The following THRAP3 variants were observed in gnomAD, a reference collection of about 807,000 sequenced individuals.
THRAP3 encodes the protein thyroid hormone receptor-associated protein 3.
THRAP3 carries 16 observed loss-of-function variants against 101.0 expected under a neutral mutation model. That is an observed-to-expected ratio of 0.16 (90% CI 0.11 to 0.24). The LOEUF (loss-of-function observed/expected upper bound fraction) is 0.24. THRAP3 is among the 10% of genes least tolerant of loss of function. The probability of loss-of-function intolerance (pLI) is 1.00; values close to 1 mark genes in which losing one functional copy is unlikely to be tolerated. For missense variants in THRAP3, 989 were observed against 1,202.7 expected, an observed-to-expected ratio of 0.82 and a Z score of 2.63; for synonymous variants, 407 against 422.6, an observed-to-expected ratio of 0.96 and a Z score of 0.45.
intron 2 of THRAP3, among the ~76,000 whole-genome samples, chr1:36,262,544 C>T (rs1645459548): frequency 1.3e-5 from 2 of 152,302 alleles, no homozygotes; most frequent in South Asian, 2.1e-4. Flanking sequence ...ATTTCTCCTA[C>T]TGTAGTTCTA....
At chr1:36,253,779 T>TTTTTTTTTTA (rs1553194133) in intron 1 of THRAP3, among the ~76,000 whole-genome samples, 1 of 139,568 alleles carries the variant, frequency 7.2e-6, no homozygotes, top group African/African-American at 2.7e-5. Context: ...TTTTTTTTTT[T>TTTTTTTTTTA]AGTTTTTGTA....
intron 8 of THRAP3, chr1:36,294,389 G>A (rs1570343902): frequency 4.5e-6 from 1 of 223,684 alleles, no homozygotes; most frequent in Non-Finnish European, 7.5e-6. Flanking sequence ...TCCTAACATT[G>A]TACCATATCT....
At chr1:36,256,791 T>C (rs1035009276) in intron 1 of THRAP3, among the ~76,000 whole-genome samples, 1 of 152,094 alleles carries the variant, frequency 6.6e-6, no homozygotes, top group Non-Finnish European at 1.5e-5. Flanking sequence ...ACCGTTTGCA[T>C]TGCAGACATT....
chr1:36,271,069 G>C (rs537531692), intron 2 of THRAP3, among the ~76,000 whole-genome samples: 1 of 152,072 alleles, frequency 6.6e-6, no homozygotes, highest in East Asian at 1.9e-4. Context: ...TCCTTCTCCT[G>C]TTCCCTTCCT....
chr1:36,286,259 A>C lies in THRAP3; in HGVS notation c.138-109A>C. 1 of 1,179,516 alleles carries C rather than the reference A, an allele frequency of 8.5e-7. No individual in the cohort carries two copies. Among genetic ancestry groups the C allele is most frequent in the South Asian group, 1.6e-5 (1 of 63,616 alleles). The allele number at this position is 1,179,516 out of a possible 1,614,324, so 73.1% of individuals were successfully genotyped here. A position where few individuals can be genotyped will look rare whatever the true frequency, so the allele number is the denominator to read the frequency against. ...ATTTGTGCCCTTGCTTTGAAAACAA[A>C]ACTGAAAGTGAATGACACATAAGGG... On this transcript the variant is annotated intron_variant, in intron 3 of 11. Transcript: ENST00000354618. This position sits in a 1 kb window ranked among gnomAD's most constrained non-coding sequence, Gnocchi z 5.5.
chr1:36,242,440 G>A (rs1040249437), intron 1 of THRAP3, among the ~76,000 whole-genome samples: 2 of 143,216 alleles, frequency 1.4e-5, no homozygotes, highest in African/African-American at 2.6e-5. Context: ...GGTGCGAGCC[G>A]TCTGTTTTGA....
At position 36,303,849 on chromosome 1, in the gene THRAP3, C is replaced by G. The variant is rs1570359646; in HGVS notation, c.2700C>G (p.Gly900=). 1 of 1,614,104 alleles carries G rather than the reference C, an allele frequency of 6.2e-7. No individual in the cohort carries two copies. The highest frequency in any genetic ancestry group is 2.2e-5 in the East Asian group (1 of 44,876). ...ACAAGTGGGTGAGCCGGGGCCGGGG[C>G]CGAGGAGCCTTTCCTCGGGGTCGGG... is the stretch of plus-strand genomic sequence containing the variant. The part of the protein sequence containing the change: ...GSDKWVSRGR[G]RGAFPRGRGR... Residue 900 remains glycine (G), a synonymous_variant, in exon 12 of 12, where the codon GGC becomes GGG. Coordinates refer to ENST00000354618, the MANE Select transcript of THRAP3 (RefSeq NM_005119.4).
chr1:36,282,219 C>T lies in THRAP3; in HGVS notation c.-31-314C>T, dbSNP rs572073072. Among the ~76,000 whole-genome samples, 5 of 149,450 alleles carry T rather than the reference C, an allele frequency of 3.3e-5. No homozygotes were observed. The South Asian group carries it at 8.7e-4, about 26-fold the overall frequency. On this transcript the variant is annotated intron_variant, in intron 2 of 11. Coordinates refer to ENST00000354618, the MANE Select transcript of THRAP3 (RefSeq NM_005119.4). Reference sequence around the variant, plus strand: ...GGGATTACAGGCGTGAGCCACCGTGCTCAGCCACTTTCTCTCTTTTTTTTT... The same window carrying T: ...GGGATTACAGGCGTGAGCCACCGTGTTCAGCCACTTTCTCTCTTTTTTTTT...
intron 4 of THRAP3, chr1:36,287,756 C>T: frequency 1.0e-6 from 1 of 985,424 alleles, no homozygotes; most frequent in Non-Finnish European, 1.2e-6. Flanking sequence ...AGGCATAGTC[C>T]AGGAAGGCCT....
chr1:36,302,119 C>T (rs1418968175), intron 11 of THRAP3, among the ~76,000 whole-genome samples: 2 of 152,178 alleles, frequency 1.3e-5, no homozygotes, highest in Non-Finnish European at 2.9e-5. Flanking sequence ...GATGTCTCTC[C>T]AAAATGAAAT....
In THRAP3 at chr1:36,291,467, C is replaced by T. The variant is rs1182797760; in HGVS notation, c.1839C>T (p.His613=). 4 of 1,614,226 alleles carry T rather than the reference C, an allele frequency of 2.5e-6. No homozygotes were observed. The highest frequency in any genetic ancestry group is 2.2e-5 in the East Asian group (1 of 44,892). Residue 613 remains histidine (H), a synonymous_variant, in exon 6 of 12, where the codon CAC becomes CAT. Coordinates refer to ENST00000354618, the MANE Select transcript of THRAP3 (RefSeq NM_005119.4). ...AGGAGTTTCGTTCCATTTTCCAGCA[C>T]ATACAATCAGCTCAGTCTCAGCGTA... is the stretch of plus-strand genomic sequence containing the variant. The part of the protein sequence containing the change: ...KEQEFRSIFQ[H]IQSAQSQRSP...
At chr1:36,269,884 T>TC (rs1645566143) in intron 2 of THRAP3, among the ~76,000 whole-genome samples, 3 of 152,272 alleles carry the variant, frequency 2.0e-5, no homozygotes, top group Non-Finnish European at 4.4e-5. Context: ...GCTGCATGTC[T>TC]CTTTTTTTAA....
chr1:36,213,051 GC>G, the THRAP3 span, among the ~76,000 whole-genome samples: 1 of 152,190 alleles, frequency 6.6e-6, no homozygotes, highest in Non-Finnish European at 1.5e-5. Flanking sequence ...AGAAGCTAAG[GC>G]TGGTACGACA....
chr1:36,296,405 C>T, intron 8 of THRAP3, among the ~76,000 whole-genome samples, 178 bp from the exon 9 acceptor site: 1 of 152,096 alleles, frequency 6.6e-6, no homozygotes, highest in East Asian at 1.9e-4. Context: ...TGTGAGGGAT[C>T]CTTATGGAGT....
At chr1:36,282,440 C>T (rs1645744663) in intron 2 of THRAP3, 93 bp from the exon 3 acceptor site, 3 of 967,706 alleles carry the variant, frequency 3.1e-6, no homozygotes, top group Non-Finnish European at 3.0e-6. Flanking sequence ...TCAAGTTGCC[C>T]AGATTAAAAG....
At chr1:36,240,816 A>G (rs1372040771) in intron 1 of THRAP3, among the ~76,000 whole-genome samples, 1 of 152,144 alleles carries the variant, frequency 6.6e-6, no homozygotes, top group African/African-American at 2.4e-5. Context: ...ATTTGTGATA[A>G]TATTTATTTT....
At chr1:36,287,885 T>C (rs759344658) in intron 4 of THRAP3, 43 of 985,312 alleles carry the variant, frequency 4.4e-5, no homozygotes, top group Non-Finnish European at 5.1e-5. Flanking sequence ...AGTTGGAACA[T>C]GAATCTTTGT....
chr1:36,266,895 T>TA (rs1645521684), intron 2 of THRAP3, among the ~76,000 whole-genome samples: 1 of 151,382 alleles, frequency 6.6e-6, no homozygotes, highest in Non-Finnish European at 1.5e-5. Flanking sequence ...TTTATTTATT[T>TA]TTGAGATAGA....
intron 8 of THRAP3, 45 bp downstream of exon 8, chr1:36,293,980 T>TG: frequency 1.9e-6 from 3 of 1,596,144 alleles, no homozygotes; most frequent in Non-Finnish European, 2.6e-6. Context: ...ATGAGTGCGT[T>TG]GGGCATGAAC....
Sources: gnomAD v4.1 joint callset for allele counts (sites outside exome capture counted in the v4.1 genomes callset) on GRCh38, gnomAD v4.1.1 for gene constraint, Gnocchi (gnomAD v3.1) non-coding constraint, MANE v1.5 for transcripts, NCBI Gene and HGNC (gene_info 2026-07-23, HGNC 2026-07-21) for gene names.